CELF4: variants seen among roughly 807,000 people sequenced by gnomAD.
CELF4 encodes the protein CUGBP Elav-like family member 4, also known as CUG-BP- and ETR-3-like factor 4.
A neutral mutation model predicts 59.9 loss-of-function variants in CELF4; 18 were observed. That is an observed-to-expected ratio of 0.30 (90% CI 0.21 to 0.45). CELF4 has a LOEUF of 0.45. Among genes scored for constraint, CELF4 ranks in the 20% least tolerant of loss-of-function variants. The pLI, the probability that CELF4 is intolerant of heterozygous loss-of-function variation, is 1.00. For missense variants in CELF4, 456 were observed against 689.0 expected, an observed-to-expected ratio of 0.66 and a Z score of 3.79; for synonymous variants, 261 against 267.1, an observed-to-expected ratio of 0.98 and a Z score of 0.22.
intron 2 of CELF4, among the ~76,000 whole-genome samples, chr18:37,414,204 A>G (rs1382207851): frequency 1.2e-5 from 1 of 82,128 alleles, no homozygotes; most frequent in East Asian, 4.0e-4. Context: ...CTATCTATCT[A>G]TCTATCTATC....
rs530685144 is a variant in CELF4 at position 37,412,615 on chromosome 18, G to A, written c.369+72910C>T. On this transcript the variant is annotated intron_variant, in intron 2 of 12. Coordinates refer to ENST00000420428, the MANE Select transcript of CELF4 (RefSeq NM_020180.4). ...ACGGGTACGTGTGTGTGGATGGGTG[G>A]GTGGGTGGATGGATGGGTGCATGTG... Among the ~76,000 whole-genome samples, 6 of 152,024 alleles carry A rather than the reference G, an allele frequency of 3.9e-5. No individual in the cohort carries two copies. The East Asian group carries it at 1.2e-3, about 29-fold the overall frequency.
chr18:37,314,722 C>T (rs2096800885), intron 3 of CELF4, among the ~76,000 whole-genome samples: 1 of 152,154 alleles, frequency 6.6e-6, no homozygotes, highest in Non-Finnish European at 1.5e-5. Context: ...GCCTCCCCTG[C>T]AGCTTGTGGG....
intron 2 of CELF4, among the ~76,000 whole-genome samples, chr18:37,382,831 A>G (rs946042390): frequency 1.7e-4 from 26 of 152,064 alleles, no homozygotes; most frequent in Admixed American, 3.3e-4. Flanking sequence ...CAGTTTACAA[A>G]CAATGTTGAC....
At chr18:37,560,510 GT>G (rs1286143878) in intron 1 of CELF4, among the ~76,000 whole-genome samples, 1 of 152,042 alleles carries the variant, frequency 6.6e-6, no homozygotes, top group East Asian at 1.9e-4. Context: ...GGTGAAACCT[GT>G]TTTTTTAAAA....
At chr18:37,547,440 G>C (rs2099981812) in intron 1 of CELF4, among the ~76,000 whole-genome samples, 1 of 152,128 alleles carries the variant, frequency 6.6e-6, no homozygotes, top group Non-Finnish European at 1.5e-5. Context: ...TGCCTCTTCT[G>C]CTCACAGGCC....
At chr18:37,484,213 T>C (rs536429800) in intron 2 of CELF4, among the ~76,000 whole-genome samples, 1 of 152,346 alleles carries the variant, frequency 6.6e-6, no homozygotes, top group Admixed American at 6.5e-5. Flanking sequence ...CCATAAACAC[T>C]TTATTAATCA....
chr18:37,537,981 G>A (rs987006874), intron 1 of CELF4, among the ~76,000 whole-genome samples: 1 of 152,224 alleles, frequency 6.6e-6, no homozygotes, highest in East Asian at 1.9e-4. Flanking sequence ...CCTGTGCCCC[G>A]GAGAGTCCCA....
At chr18:37,377,162 G>C (rs921712532) in intron 2 of CELF4, among the ~76,000 whole-genome samples, 1 of 152,130 alleles carries the variant, frequency 6.6e-6, no homozygotes, top group African/African-American at 2.4e-5. Flanking sequence ...AGAAGGGAGC[G>C]GCCAGGGAAA....
intron 2 of CELF4, among the ~76,000 whole-genome samples, chr18:37,456,303 G>T (rs971162953): frequency 6.6e-6 from 1 of 152,170 alleles, no homozygotes; most frequent in African/African-American, 2.4e-5. Context: ...GACTCTGGAA[G>T]TGGCCTCGGT....
At chr18:37,475,257 T>A (rs2099845546) in intron 2 of CELF4, among the ~76,000 whole-genome samples, 1 of 152,226 alleles carries the variant, frequency 6.6e-6, no homozygotes, top group Non-Finnish European at 1.5e-5. Flanking sequence ...TAAGACAATA[T>A]CCTTTAAAGC....
At chr18:37,427,844 T>C (rs2099623606) in intron 2 of CELF4, among the ~76,000 whole-genome samples, 1 of 152,224 alleles carries the variant, frequency 6.6e-6, no homozygotes, top group African/African-American at 2.4e-5. Context: ...AGACAGGGGA[T>C]GGCCTGGCAC....
intron 10 of CELF4, 88 bp downstream of exon 10, chr18:37,264,586 C>T (rs745813402): frequency 5.7e-5 from 65 of 1,146,740 alleles, no homozygotes; most frequent in Non-Finnish European, 7.4e-5. Context: ...ACCTTTCCAA[C>T]GCACACCCCA....
chr18:37,409,841 A>G (rs577394455), intron 2 of CELF4, among the ~76,000 whole-genome samples: 1 of 152,280 alleles, frequency 6.6e-6, no homozygotes, highest in South Asian at 2.1e-4. Context: ...CCCAGGCCCA[A>G]CCACCTGCCA....
intron 2 of CELF4, among the ~76,000 whole-genome samples, chr18:37,383,023 C>CATGT (rs72091493): frequency 0.043 from 6,518 of 150,368 alleles, 134 homozygotes; most frequent in Middle Eastern, 0.071. Context: ...ATAGTACATA[C>CATGT]ATGTATGTAT....
At chr18:37,380,641 C>T (rs2099026323) in intron 2 of CELF4, among the ~76,000 whole-genome samples, 1 of 127,420 alleles carries the variant, frequency 7.8e-6, no homozygotes, top group African/African-American at 3.0e-5. Context: ...ATCCATTTAT[C>T]CATCCATCCA....
chr18:37,494,062 G>C (rs989262417), intron 1 of CELF4, among the ~76,000 whole-genome samples: 4 of 152,156 alleles, frequency 2.6e-5, no homozygotes, highest in Non-Finnish European at 5.9e-5. Flanking sequence ...TCTTCTTGCT[G>C]AGCTCAGGGC....
At chr18:37,362,209 A>G (rs1202227595) in intron 2 of CELF4, among the ~76,000 whole-genome samples, 2 of 152,156 alleles carry the variant, frequency 1.3e-5, no homozygotes, top group Admixed American at 1.3e-4. Context: ...TCCTCAGCCC[A>G]GGTGCCCTAA....
chr18:37,387,903 C>G (rs778866182), intron 2 of CELF4, among the ~76,000 whole-genome samples: 47 of 152,336 alleles, frequency 3.1e-4, no homozygotes, highest in Non-Finnish European at 5.7e-4. Context: ...AGGGCCTCAT[C>G]TCACCTGGCC....
At chr18:37,463,855 C>T (rs1477602900) in intron 2 of CELF4, among the ~76,000 whole-genome samples, 1 of 152,182 alleles carries the variant, frequency 6.6e-6, no homozygotes, top group African/African-American at 2.4e-5. Flanking sequence ...CCCCACCCAA[C>T]TGAGTGTGAC....
Sources: allele counts gnomAD v4.1 joint callset (sites outside exome capture counted in the v4.1 genomes callset), GRCh38; gene constraint gnomAD v4.1.1; transcripts MANE v1.5; gene names NCBI Gene and HGNC (gene_info 2026-07-23, HGNC 2026-07-21).